RARB: variants seen among roughly 807,000 people sequenced by gnomAD.
RARB encodes retinoic acid receptor beta.
A neutral mutation model predicts 51.9 loss-of-function variants in RARB; 17 were observed. The ratio of observed to expected loss-of-function variants is 0.33; its 90% confidence interval spans 0.22 to 0.49. RARB has a LOEUF of 0.49. Among genes scored for constraint, RARB ranks in the 20% least tolerant of loss-of-function variants. The pLI is 0.99. For missense variants in RARB, 369 were observed against 550.8 expected, an observed-to-expected ratio of 0.67 and a Z score of 3.30; for synonymous variants, 215 against 195.4, an observed-to-expected ratio of 1.10 and a Z score of -0.84.
At position 25,077,836 on chromosome 3, in the gene RARB, A is replaced by T. The variant is rs190912943; in HGVS notation, c.-328+17660A>T. Among the ~76,000 whole-genome samples, 572 of 152,300 alleles carry T rather than the reference A, an allele frequency of 3.8e-3. 7 individuals carry two copies. The highest frequency in any genetic ancestry group is 0.013 in the African/African-American group (560 of 41,550). The stretch of plus-strand genomic sequence containing the variant: ...TGAATAAGAGCTTTGGTTGCTTCAT[A>T]TTCTCACCAACGTGCATTATTGTGA... On this transcript the variant is annotated intron_variant, in intron 3 of 11. Coordinates refer to the RARB transcript ENST00000383772.
intron 3 of RARB, among the ~76,000 whole-genome samples, chr3:25,533,620 T>C (rs527381254): frequency 2.0e-5 from 3 of 152,306 alleles, no homozygotes; most frequent in East Asian, 3.9e-4. Flanking sequence ...AAACGATATA[T>C]CTAGGTTTCT....
chr3:25,430,519 A>G (rs919349866), intron 1 of RARB, among the ~76,000 whole-genome samples: 1 of 152,232 alleles, frequency 6.6e-6, no homozygotes, highest in African/African-American at 2.4e-5. Flanking sequence ...GAGTTTTTAC[A>G]TGTAGACATT....
intron 4 of RARB, among the ~76,000 whole-genome samples, chr3:25,145,576 G>A (rs1298794973): frequency 5.9e-5 from 9 of 152,132 alleles, no homozygotes; most frequent in African/African-American, 2.2e-4. Context: ...ATCCTGTTCA[G>A]TCTGATTGTT....
At chr3:24,944,949 G>A (rs1447040851) in intron 2 of RARB, among the ~76,000 whole-genome samples, 1 of 152,110 alleles carries the variant, frequency 6.6e-6, no homozygotes, top group African/African-American at 2.4e-5. Context: ...AGAGAAATTG[G>A]GAAAAAGTGC....
At chr3:25,316,556 C>T (rs1393207935) in intron 5 of RARB, among the ~76,000 whole-genome samples, 1 of 151,930 alleles carries the variant, frequency 6.6e-6, no homozygotes, top group African/African-American at 2.4e-5. Context: ...AGGACGATAC[C>T]GATGCTGAAA....
intron 5 of RARB, among the ~76,000 whole-genome samples, chr3:25,297,402 C>CTTTTTT (rs67843073): frequency 6.3e-5 from 4 of 63,428 alleles, no homozygotes; most frequent in Non-Finnish European, 8.5e-5. Flanking sequence ...AGAAGGTATT[C>CTTTTTT]TTTTTTTTTT....
At chr3:25,177,127 A>G (rs188286036) in intron 5 of RARB, among the ~76,000 whole-genome samples, 33 of 152,324 alleles carry the variant, frequency 2.2e-4, no homozygotes, top group Non-Finnish European at 2.9e-5. Flanking sequence ...ATTTCTTGCT[A>G]CAGTCGAAGC....
At chr3:25,385,307 A>T (rs141316159) in intron 5 of RARB, among the ~76,000 whole-genome samples, 2 of 152,180 alleles carry the variant, frequency 1.3e-5, no homozygotes, top group African/African-American at 4.8e-5. Context: ...TTATCAGACT[A>T]TATTGCCTGT....
intron 5 of RARB, among the ~76,000 whole-genome samples, chr3:25,348,305 T>C (rs1177283628): frequency 1.3e-5 from 2 of 152,092 alleles, no homozygotes; most frequent in Admixed American, 1.3e-4. Context: ...TATTTTAAAT[T>C]TTATTATCTT....
At chr3:24,919,364 T>A (rs1401659983) in intron 2 of RARB, among the ~76,000 whole-genome samples, 1 of 152,072 alleles carries the variant, frequency 6.6e-6, no homozygotes, top group East Asian at 1.9e-4. Context: ...CAAAGTGAAC[T>A]ATAACCGAAA....
At chr3:24,890,617 CTT>C (rs2125363673) in intron 2 of RARB, among the ~76,000 whole-genome samples, 1 of 152,238 alleles carries the variant, frequency 6.6e-6, no homozygotes, top group East Asian at 1.9e-4. Flanking sequence ...AAAGAAATGA[CTT>C]TGTCATGTTT....
intron 4 of RARB, among the ~76,000 whole-genome samples, chr3:25,149,758 T>A (rs1449371336): frequency 6.6e-6 from 1 of 152,238 alleles, no homozygotes; most frequent in African/African-American, 2.4e-5. Context: ...TCCCCATCTT[T>A]GTTAAATGAA....
intron 3 of RARB, among the ~76,000 whole-genome samples, chr3:25,508,868 A>G (rs1153587): frequency 0.28 from 41,669 of 150,594 alleles, 6,903 homozygotes; most frequent in African/African-American, 0.46. Context: ...AAATATGAAT[A>G]TTTGCCTGCA....
At chr3:25,422,684 G>A (rs1055698626) in intron 5 of RARB, among the ~76,000 whole-genome samples, 2 of 151,884 alleles carry the variant, frequency 1.3e-5, no homozygotes, top group Non-Finnish European at 2.9e-5. Context: ...GATGATTCTG[G>A]ATGAAGTAAT....
intron 4 of RARB, among the ~76,000 whole-genome samples, chr3:25,154,068 C>G (rs1277715132): frequency 1.3e-5 from 2 of 152,152 alleles, no homozygotes; most frequent in Non-Finnish European, 2.9e-5. Flanking sequence ...ATGCTCATTC[C>G]AAATCACTCT....
At chr3:25,436,012 G>A (rs532751674) in intron 1 of RARB, among the ~76,000 whole-genome samples, 1 of 152,252 alleles carries the variant, frequency 6.6e-6, no homozygotes, top group South Asian at 2.1e-4. Flanking sequence ...TAAATTACCG[G>A]TTCCATTAAT....
chr3:25,397,802 T>C (rs937203961), intron 5 of RARB, among the ~76,000 whole-genome samples: 6 of 152,026 alleles, frequency 3.9e-5, no homozygotes, highest in African/African-American at 1.4e-4. Context: ...CTTAATCTCT[T>C]CATTTATAAA....
intron 2 of RARB, among the ~76,000 whole-genome samples, chr3:24,863,695 G>A (rs969262741): frequency 1.3e-5 from 2 of 151,422 alleles, no homozygotes; most frequent in Non-Finnish European, 2.9e-5. Flanking sequence ...TTTCTATGAA[G>A]CAACAAGTTT....
intron 4 of RARB, among the ~76,000 whole-genome samples, chr3:25,139,976 T>G (rs1240753476): frequency 6.6e-6 from 1 of 152,186 alleles, no homozygotes; most frequent in African/African-American, 2.4e-5. Flanking sequence ...TTACTTAATA[T>G]TTTAAGCCTA....
Sources: gnomAD v4.1 joint callset for allele counts (sites outside exome capture counted in the v4.1 genomes callset) on GRCh38, gnomAD v4.1.1 for gene constraint, MANE v1.5 for transcripts, NCBI Gene and HGNC (gene_info 2026-07-23, HGNC 2026-07-21) for gene names.